The following MFSD8 variants were observed in gnomAD, a reference collection of about 807,000 sequenced individuals.
MFSD8 encodes major facilitator superfamily domain containing 8, also known as major facilitator superfamily domain-containing protein 8.
In MFSD8, 55 loss-of-function variants were observed where a neutral mutation model predicts 66.4. The ratio of observed to expected loss-of-function variants is 0.83; its 90% confidence interval spans 0.67 to 1.04. MFSD8 has a LOEUF of 1.04. Among genes scored for constraint, MFSD8 ranks in the 50% least tolerant of loss-of-function variants. The pLI is 0.00. For missense variants in MFSD8, 550 were observed against 627.6 expected, an observed-to-expected ratio of 0.88 and a Z score of 1.32; for synonymous variants, 202 against 212.8, an observed-to-expected ratio of 0.95 and a Z score of 0.44.
chr4:127,965,718 A>G (rs1182123211), upstream of MFSD8: 2 of 167,040 alleles, frequency 1.2e-5, no homozygotes, highest in Non-Finnish European at 2.6e-5. Context: ...TGGGCGGGAG[A>G]CTCGCGGGTC....
chr4:127,932,812 T>C, intron 8 of MFSD8, 173 bp downstream of exon 8: 1 of 549,140 alleles, frequency 1.8e-6, no homozygotes, highest in Non-Finnish European at 3.3e-6. Flanking sequence ...GGACAAATAA[T>C]TAACTACATT....
chr4:127,921,268 T>G, intron 11 of MFSD8: 1 of 625,860 alleles, frequency 1.6e-6, no homozygotes, highest in Non-Finnish European at 2.8e-6. Context: ...TGAAGCCATA[T>G]TTGGCTGACT....
At position 127,942,057 on chromosome 4, in the gene MFSD8, T is replaced by A. The variant is rs770057458; in HGVS notation, c.541A>T (p.Ile181Phe). Residue 181 changes from isoleucine to phenylalanine, a missense_variant, in exon 5 of 12, where the codon ATT becomes TTT. Physicochemically the swap from Ile to Phe is conservative, Grantham distance 21. Transcript: ENST00000641686. ...NISMCQALGF[I>F]LGPVFQTCFT... ...GAAGAACACCTACCTGGACCTAGAATAAAACCTAATGCTTGACACATGCTT... is the reference window on the plus strand; with the variant it reads ...GAAGAACACCTACCTGGACCTAGAAAAAAACCTAATGCTTGACACATGCTT... The A allele has an allele frequency of 6.2e-7, 1 of 1,613,678 alleles. No individual in the cohort carries two copies. Among genetic ancestry groups the A allele is most frequent in the South Asian group, 1.1e-5 (1 of 91,076 alleles).
At chr4:127,925,343 T>C (rs1286667932) in intron 9 of MFSD8, among the ~76,000 whole-genome samples, 1 of 152,120 alleles carries the variant, frequency 6.6e-6, no homozygotes, top group East Asian at 1.9e-4. Context: ...AATCTATCCA[T>C]CTGATAAAGG....
chr4:127,965,250 T>C, upstream of MFSD8: 1 of 1,337,612 alleles, frequency 7.5e-7, no homozygotes, highest in South Asian at 1.2e-5. Context: ...CACCTGACGG[T>C]CAGACGTAGG....
chr4:127,950,694 A>G (rs1324515651), intron 2 of MFSD8, among the ~76,000 whole-genome samples: 2 of 141,712 alleles, frequency 1.4e-5, no homozygotes, highest in Non-Finnish European at 2.9e-5. Flanking sequence ...CTCCATCTCA[A>G]AAAAAAATTA....
chr4:127,963,027 A>G lies in MFSD8; in HGVS notation c.62+2045T>C. Among the ~76,000 whole-genome samples the G allele has an allele frequency of 2.0e-5, 3 of 152,364 alleles. 1 individual carries two copies. In the East Asian group the frequency reaches 5.8e-4, roughly 29 times the overall value. The stretch of plus-strand genomic sequence containing the variant: ...TTATTATGTATATTTCAAATAAAAT[A>G]GTAATTCCGTTTTCCTAAAGGTAAA... On this transcript the variant is annotated intron_variant, in intron 1 of 11. Coordinates refer to ENST00000641686, the MANE Select transcript of MFSD8 (RefSeq NM_001371596.2).
intron 1 of MFSD8, 107 bp downstream of exon 1, chr4:127,964,965 G>A (rs563888429): frequency 1.9e-4 from 257 of 1,365,974 alleles, no homozygotes; most frequent in Middle Eastern, 4.8e-4. Flanking sequence ...CACCGCGCTG[G>A]AACCCCTCTG....
chr4:127,920,836 C>A lies in MFSD8; in HGVS notation c.1351G>T (p.Gly451Cys), dbSNP rs1553943557. 1 of 1,613,276 alleles carries A rather than the reference C, an allele frequency of 6.2e-7. No individual in the cohort carries two copies. The highest frequency in any genetic ancestry group is 8.5e-7 in the Non-Finnish European group (1 of 1,179,778). ...YSKILGPKPQ[G>C]VYMGWLTASG... ...GCTGTTAACCAGCCCATGTATACACCCTGTTGGGGGTGAAATGGAGGACAA... is the reference window on the plus strand; with the variant it reads ...GCTGTTAACCAGCCCATGTATACACACTGTTGGGGGTGAAATGGAGGACAA... The change falls in exon 12 of 12, where the codon GGT (glycine) becomes TGT (cysteine). Residue 451 changes from glycine to cysteine, a missense_variant and splice_region_variant. Physicochemically the swap from Gly to Cys is radical, Grantham distance 159. Coordinates refer to ENST00000641686, the MANE Select transcript of MFSD8 (RefSeq NM_001371596.2).
chr4:127,943,961 C>A lies in MFSD8; in HGVS notation c.230G>T (p.Gly77Val), dbSNP rs886043062. 1 of 1,613,948 alleles carries A rather than the reference C, an allele frequency of 6.2e-7. No homozygotes were observed. Among genetic ancestry groups the A allele is most frequent in the Non-Finnish European group, 8.5e-7 (1 of 1,180,008 alleles). Residue 77 changes from glycine to valine, a missense_variant, in exon 4 of 12, where the codon GGC becomes GTC. By Grantham distance (109) the Gly-to-Val change is moderately radical. Transcript: ENST00000641686. ...AAGACTATATGAAGCAATAACCCAG[C>A]CCAAAAAACTTGTATCAGCTGTCGG... ...IDPTADTSFL[G>V]WVIASYSLGQ... is the part of the protein sequence containing the mutation.
At chr4:127,939,536 T>C (rs987666644) in intron 6 of MFSD8, 2 of 177,600 alleles carry the variant, frequency 1.1e-5, no homozygotes, top group Non-Finnish European at 1.1e-5. Flanking sequence ...ATCCGGGAGA[T>C]GGAGGTTGCA....
chr4:127,937,205 C>T (rs991668876), intron 7 of MFSD8, among the ~76,000 whole-genome samples: 1 of 152,178 alleles, frequency 6.6e-6, no homozygotes, highest in Non-Finnish European at 1.5e-5. Context: ...TTATCTCTAG[C>T]TTTTATTTCT....
Position 127,932,052 on chromosome 4 carries a change from A to C in MFSD8, c.863+933T>G, listed in dbSNP as rs1355242671. Among the ~76,000 whole-genome samples, 3 of 152,224 alleles carry C rather than the reference A, an allele frequency of 2.0e-5. No individual in the cohort carries two copies. In the South Asian group the frequency reaches 6.2e-4, roughly 32 times the overall value. Reference sequence around the variant, plus strand: ...CCTGAGCCCAGGAGGTCAAGGCTGCAGTGAGCCGTGATTGCACCACTGCAC... The same window carrying C: ...CCTGAGCCCAGGAGGTCAAGGCTGCCGTGAGCCGTGATTGCACCACTGCAC... On this transcript the variant is annotated intron_variant, in intron 8 of 11. Transcript: ENST00000641686.
intron 2 of MFSD8, among the ~76,000 whole-genome samples, chr4:127,956,487 G>A (rs375288702): frequency 7.0e-4 from 97 of 139,394 alleles, no homozygotes; most frequent in African/African-American, 2.4e-3. Flanking sequence ...GCGACAGTGC[G>A]AAACTCCGTC....
At chr4:127,941,469 T>C (rs919354199) in intron 5 of MFSD8, among the ~76,000 whole-genome samples, 19 of 152,162 alleles carry the variant, frequency 1.2e-4, no homozygotes, top group Admixed American at 9.8e-4. Context: ...TAAATCTCAT[T>C]AATTTTTTTT....
chr4:127,929,730 T>C (rs1243116813), intron 9 of MFSD8, among the ~76,000 whole-genome samples: 1 of 152,178 alleles, frequency 6.6e-6, no homozygotes, highest in African/African-American at 2.4e-5. Context: ...AAATAAGACC[T>C]AGTTTTCAAT....
At chr4:127,957,069 A>G (rs1294204384) in intron 2 of MFSD8, among the ~76,000 whole-genome samples, 1 of 152,198 alleles carries the variant, frequency 6.6e-6, no homozygotes, top group East Asian at 1.9e-4. Context: ...GAATACATAT[A>G]ATGAACTATA....
At chr4:127,951,402 G>C (rs1238949031) in intron 2 of MFSD8, among the ~76,000 whole-genome samples, 2 of 151,922 alleles carry the variant, frequency 1.3e-5, no homozygotes, top group Non-Finnish European at 2.9e-5. Context: ...GCTAATTTTT[G>C]TACTTTAGTA....
intron 9 of MFSD8, 121 bp downstream of exon 9, chr4:127,930,562 G>A: frequency 3.6e-6 from 4 of 1,113,938 alleles, no homozygotes; most frequent in Middle Eastern, 3.0e-4. Context: ...TTAATAAATT[G>A]TAAATTTGTG....
Sources: allele counts gnomAD v4.1 joint callset (sites outside exome capture counted in the v4.1 genomes callset), GRCh38; gene constraint gnomAD v4.1.1; transcripts MANE v1.5; gene names NCBI Gene and HGNC (gene_info 2026-07-23, HGNC 2026-07-21).